Variants in FBXO32 observed in about 807,000 individuals in gnomAD.
The protein encoded by FBXO32 is F-box only protein 32.
Under a neutral mutation model 48.3 loss-of-function variants are expected in FBXO32, and 15 were observed. That is an observed-to-expected ratio of 0.31 (90% CI 0.21 to 0.48). The LOEUF (loss-of-function observed/expected upper bound fraction) is 0.48, where lower values mean the gene tolerates loss of function less well. Ranked by LOEUF, FBXO32 falls within the 20% of genes least tolerant of loss-of-function variation. The pLI is 0.99. For synonymous variants in FBXO32, 154 were observed against 165.9 expected, an observed-to-expected ratio of 0.93 and a Z score of 0.55; for missense variants, 309 against 432.7, an observed-to-expected ratio of 0.71 and a Z score of 2.54.
chr8:123,520,181 T>C (rs1816923313), intron 4 of FBXO32, among the ~76,000 whole-genome samples: 1 of 152,140 alleles, frequency 6.6e-6, no homozygotes, highest in South Asian at 2.1e-4. Context: ...ACTTAGCCAA[T>C]TGGATTCTTT....
At chr8:123,510,697 C>T (rs1195938818) in intron 6 of FBXO32, among the ~76,000 whole-genome samples, 1 of 152,130 alleles carries the variant, frequency 6.6e-6, no homozygotes, top group African/African-American at 2.4e-5. Context: ...GAACACTGAA[C>T]GAGTACTCAG....
rs1196252261 is a variant in FBXO32 at position 123,506,072 on chromosome 8, T to C, written c.834+320A>G. On this transcript the variant is annotated intron_variant, in intron 7 of 8. Transcript: ENST00000517956. The surrounding 1 kb of genome is among the most constrained non-coding windows in gnomAD (Gnocchi z 4.0). ...GACCCTATTTCTACAAAAACAATAA[T>C]AAAAAAATTATCCGGGTGTTGTGGC... Among the ~76,000 whole-genome samples, 4 of 151,680 alleles carry C rather than the reference T, an allele frequency of 2.6e-5. No individual in the cohort carries two copies. The highest frequency in any genetic ancestry group is 5.9e-5 in the Non-Finnish European group (4 of 67,940).
At chr8:123,520,905 G>A (rs1440889774) in intron 4 of FBXO32, among the ~76,000 whole-genome samples, 1 of 152,142 alleles carries the variant, frequency 6.6e-6, no homozygotes, top group African/African-American at 2.4e-5. Context: ...GGCTACACAG[G>A]TTATTCGTCT....
intron 4 of FBXO32, among the ~76,000 whole-genome samples, chr8:123,522,586 T>C (rs1490360331): frequency 6.6e-6 from 1 of 152,130 alleles, no homozygotes; most frequent in Non-Finnish European, 1.5e-5. Flanking sequence ...TTGGCGATCT[T>C]CCTTAAACTG....
chr8:123,507,047 C>T (rs911726189), intron 6 of FBXO32, among the ~76,000 whole-genome samples: 1 of 152,116 alleles, frequency 6.6e-6, no homozygotes, highest in African/African-American at 2.4e-5. Flanking sequence ...TCAATGCCTT[C>T]GCCTCCCCAG....
chr8:123,532,586 C>G (rs1817231404), intron 3 of FBXO32, among the ~76,000 whole-genome samples: 1 of 152,088 alleles, frequency 6.6e-6, no homozygotes, highest in Admixed American at 6.6e-5. Context: ...TCAGTGACCC[C>G]CCTCTGGACC....
In FBXO32 at chr8:123,534,764, T is replaced by C. The variant is rs6988591; in HGVS notation, c.167A>G (p.Asn56Ser). The C allele has an allele frequency of 0.012, 19,303 of 1,613,852 alleles. 2,013 individuals are homozygous for C. In the African/African-American group the frequency reaches 0.23, roughly 19 times the overall value. Residue 56 changes from asparagine (N) to serine (S), a missense_variant, in exon 2 of 9, where the codon AAC becomes AGC. By Grantham distance (46) the Asn-to-Ser change is conservative (BLOSUM62 1). Transcript: ENST00000517956. Reference protein sequence around the residue: ...YNKENLFNSLNYDVAAKKRKK... With the variant: ...YNKENLFNSLSYDVAAKKRKK... ...TCTCTTCTTGGCTGCAACATCATAG[T>C]TCAGGCTGTTGAAAAGATTCTCCTT...
At chr8:123,503,798 C>T (rs1408005758) in intron 8 of FBXO32, among the ~76,000 whole-genome samples, 5 of 152,294 alleles carry the variant, frequency 3.3e-5, no homozygotes, top group South Asian at 2.1e-4. Flanking sequence ...ATATTTCAGG[C>T]TGGGCACGAT....
intron 3 of FBXO32, 154 bp from the exon 4 acceptor site, chr8:123,532,144 A>T: frequency 7.0e-7 from 1 of 1,419,486 alleles, no homozygotes; most frequent in Non-Finnish European, 9.2e-7. Context: ...TCCTGTACCC[A>T]CAAGCCCTTG....
chr8:123,537,950 A>C (rs1470112700), intron 1 of FBXO32, among the ~76,000 whole-genome samples: 4 of 152,032 alleles, frequency 2.6e-5, no homozygotes, highest in Admixed American at 6.5e-5. Context: ...GTTGCTGAGG[A>C]AGGCTGTGCG....
chr8:123,506,389 G>A lies in FBXO32; in HGVS notation c.834+3C>T. On this transcript the variant is annotated splice_donor_region_variant and intron_variant, in intron 7 of 8. Transcript: ENST00000517956. The surrounding 1 kb of genome is among the most constrained non-coding windows in gnomAD (Gnocchi z 4.0). The stretch of plus-strand genomic sequence containing the variant: ...GGAGGAAAGCCCACTGGGCCTTGCT[G>A]ACCTGCCGCTCGGAGAAGTGGTACT... The A allele has an allele frequency of 6.2e-7, 1 of 1,612,876 alleles. No homozygotes were observed. The highest frequency in any genetic ancestry group is 8.5e-7 in the Non-Finnish European group (1 of 1,179,832).
intron 6 of FBXO32, among the ~76,000 whole-genome samples, chr8:123,509,180 A>C (rs979823271): frequency 2.0e-5 from 3 of 152,224 alleles, no homozygotes; most frequent in Non-Finnish European, 4.4e-5. Flanking sequence ...TTAGATATAA[A>C]AATTTTGCAG....
chr8:123,531,907 G>A lies in FBXO32; in HGVS notation c.363C>T (p.Tyr121=), dbSNP rs375699614. ...GGCACTTGAGACTTACCCGGACCACGTAGTTAAATCTTCTGGAATCCAGAA... is the reference window on the plus strand; with the variant it reads ...GGCACTTGAGACTTACCCGGACCACATAGTTAAATCTTCTGGAATCCAGAA... ...TAILDSRRFN[Y]VVRLLELIAK... is the part of the protein sequence containing the mutation. Residue 121 remains tyrosine (Y), a synonymous_variant, in exon 4 of 9, where the codon TAC becomes TAT. Coordinates refer to ENST00000517956, the MANE Select transcript of FBXO32 (RefSeq NM_058229.4). 74 of 1,613,966 alleles carry A rather than the reference G, an allele frequency of 4.6e-5. No homozygotes were observed. Among genetic ancestry groups the A allele is most frequent in the Admixed American group, 1.0e-4 (6 of 59,998 alleles).
intron 4 of FBXO32, among the ~76,000 whole-genome samples, chr8:123,530,681 T>C (rs1438486394): frequency 6.6e-6 from 1 of 152,134 alleles, no homozygotes; most frequent in Non-Finnish European, 1.5e-5. Flanking sequence ...AATGGCGCCA[T>C]CTCGCTCACT....
intron 4 of FBXO32, among the ~76,000 whole-genome samples, chr8:123,522,124 A>G (rs1418256144): frequency 6.6e-6 from 1 of 152,166 alleles, no homozygotes; most frequent in East Asian, 1.9e-4. Context: ...TTAAAATAAT[A>G]AGGAGAGCCA....
chr8:123,540,981 C>A lies in FBXO32; in HGVS notation c.34G>T (p.Gly12Trp). The A allele has an allele frequency of 1.2e-6, 2 of 1,612,618 alleles. No individual in the cohort carries two copies. Among genetic ancestry groups the A allele is most frequent in the South Asian group, 2.2e-5 (2 of 91,048 alleles). The change falls in exon 1 of 9, where the codon GGG becomes TGG. Residue 12 changes from glycine (G) to tryptophan (W), a missense_variant. Transcript: ENST00000517956. The surrounding 1 kb of genome is among the most constrained non-coding windows in gnomAD (Gnocchi z 6.4). Reference protein sequence around the residue: ...PFLGQDWRSPGQNWVKTADGW... With the variant: ...PFLGQDWRSPWQNWVKTADGW... ...TCGGCCGTCTTCACCCAGTTCTGCC[C>A]GGGGGACCGCCAGTCCTGCCCGAGG...
At chr8:123,519,093 GGGATTACAGGCATGAGCCACTGTGCCT>G (rs1489462510) in intron 4 of FBXO32, among the ~76,000 whole-genome samples, 4 of 152,152 alleles carry the variant, frequency 2.6e-5, no homozygotes, top group African/African-American at 4.8e-5. Context: ...GCAAAGTGCT[GGGATTACAGGCATGAGCCACTGTGCCT>G]GGCAGAACAT....
chr8:123,511,960 TGA>T (rs1204341626), intron 6 of FBXO32, among the ~76,000 whole-genome samples: 1 of 152,166 alleles, frequency 6.6e-6, no homozygotes, highest in Non-Finnish European at 1.5e-5. Context: ...GGGTTTTCTG[TGA>T]GAGATAAGTT....
intron 4 of FBXO32, among the ~76,000 whole-genome samples, chr8:123,529,934 C>A (rs1004471498): frequency 6.6e-6 from 1 of 152,184 alleles, no homozygotes; most frequent in African/African-American, 2.4e-5. Context: ...ATCTAAGTGT[C>A]TTCCTCTAAT....
Sources: gnomAD v4.1 joint callset for allele counts (sites outside exome capture counted in the v4.1 genomes callset) on GRCh38, gnomAD v4.1.1 for gene constraint, Gnocchi (gnomAD v3.1) non-coding constraint, MANE v1.5 for transcripts, NCBI Gene and HGNC (gene_info 2026-07-23, HGNC 2026-07-21) for gene names.